Variants in UNC5C observed in about 807,000 individuals in gnomAD.
UNC5C encodes netrin receptor UNC5C.
UNC5C carries 47 observed loss-of-function variants against 99.8 expected under a neutral mutation model. The observed-to-expected ratio is 0.47, with a 90% CI of 0.37 to 0.60. The LOEUF is 0.60. Among genes scored for constraint, UNC5C ranks in the 20% least tolerant of loss-of-function variants. UNC5C has a pLI of 0.00. For synonymous variants in UNC5C, 487 were observed against 452.2 expected (o/e 1.08, Z -0.98); for missense variants, 1,062 against 1,165.9 (o/e 0.91, Z 1.30).
At chr4:95,251,124 A>G (rs775806821) in intron 4 of UNC5C, among the ~76,000 whole-genome samples, 8 of 152,218 alleles carry the variant, frequency 5.3e-5, no homozygotes, top group Non-Finnish European at 1.2e-4. Context: ...TAGAAAGACT[A>G]TTTTTAAAAG....
At chr4:95,520,023 G>A (rs935055032) in intron 1 of UNC5C, among the ~76,000 whole-genome samples, 1 of 152,094 alleles carries the variant, frequency 6.6e-6, no homozygotes, top group East Asian at 1.9e-4. Flanking sequence ...TATGCTTTCC[G>A]CTAAGAGGAA....
intron 1 of UNC5C, among the ~76,000 whole-genome samples, chr4:95,499,907 G>A (rs1290981478): frequency 2.0e-5 from 3 of 152,046 alleles, no homozygotes; most frequent in Non-Finnish European, 4.4e-5. Flanking sequence ...TTTCAGGGAG[G>A]TTAACTGTCT....
chr4:95,175,489 T>A lies in UNC5C; in HGVS notation c.2452-5157A>T, dbSNP rs1199823452. Among the ~76,000 whole-genome samples, 5 of 151,702 alleles carry A rather than the reference T, an allele frequency of 3.3e-5. No homozygotes were observed. In the South Asian group the frequency reaches 8.3e-4, roughly 25 times the overall value. On this transcript the variant is annotated intron_variant, in intron 14 of 15. Coordinates refer to ENST00000453304, the MANE Select transcript of UNC5C (RefSeq NM_003728.4). ...GCTTGTCTGTAAAGTATTTTATTTCTCCTTCACTTATGAAGCTTAGTTTGG... is the reference window on the plus strand; with the variant it reads ...GCTTGTCTGTAAAGTATTTTATTTCACCTTCACTTATGAAGCTTAGTTTGG...
intron 1 of UNC5C, among the ~76,000 whole-genome samples, chr4:95,527,803 G>A (rs1424583469): frequency 3.3e-5 from 5 of 152,044 alleles, no homozygotes; most frequent in Non-Finnish European, 4.4e-5. Flanking sequence ...AATTGATGGA[G>A]AAATTTTTAA....
intron 1 of UNC5C, among the ~76,000 whole-genome samples, chr4:95,413,225 G>C (rs992658710): frequency 6.6e-6 from 1 of 152,074 alleles, no homozygotes; most frequent in Non-Finnish European, 1.5e-5. Context: ...GGCAAACCCT[G>C]GTCAGTTTTC....
intron 1 of UNC5C, among the ~76,000 whole-genome samples, chr4:95,429,681 T>A (rs1746581425): frequency 6.6e-6 from 1 of 152,120 alleles, no homozygotes; most frequent in South Asian, 2.1e-4. Context: ...CACATCCAAT[T>A]TAAGCTCAAG....
At chr4:95,388,763 G>A (rs1218616941) in intron 1 of UNC5C, among the ~76,000 whole-genome samples, 1 of 152,110 alleles carries the variant, frequency 6.6e-6, no homozygotes, top group Non-Finnish European at 1.5e-5. Flanking sequence ...CTAGAATGAG[G>A]AAACTAAGGC....
chr4:95,330,490 T>C (rs1328132145), intron 2 of UNC5C, among the ~76,000 whole-genome samples: 1 of 152,140 alleles, frequency 6.6e-6, no homozygotes, highest in African/African-American at 2.4e-5. Flanking sequence ...ACATGTTTTC[T>C]TTTACATAGC....
intron 12 of UNC5C, among the ~76,000 whole-genome samples, chr4:95,201,049 G>A (rs1737634989): frequency 6.6e-6 from 1 of 152,276 alleles, no homozygotes; most frequent in East Asian, 1.9e-4. Flanking sequence ...CAAAATGTCA[G>A]CAGTTCCTCA....
At chr4:95,398,650 G>A (rs1422946606) in intron 1 of UNC5C, among the ~76,000 whole-genome samples, 1 of 152,108 alleles carries the variant, frequency 6.6e-6, no homozygotes, top group Non-Finnish European at 1.5e-5. Context: ...TCTTGTTTCT[G>A]TTGCAAATTA....
intron 1 of UNC5C, among the ~76,000 whole-genome samples, chr4:95,462,390 A>G (rs886514703): frequency 6.6e-6 from 1 of 152,208 alleles, no homozygotes; most frequent in Non-Finnish European, 1.5e-5. Flanking sequence ...CAGGTGCTAT[A>G]TTAGATATTA....
intron 7 of UNC5C, 119 bp from the exon 8 acceptor site, chr4:95,220,295 T>C (rs1418907530): frequency 2.0e-6 from 2 of 1,009,750 alleles, no homozygotes; most frequent in Non-Finnish European, 2.8e-6. Flanking sequence ...ATTTCAAATC[T>C]ATTTCAAAAG....
chr4:95,515,165 C>A (rs1722180840), intron 1 of UNC5C, among the ~76,000 whole-genome samples: 1 of 152,158 alleles, frequency 6.6e-6, no homozygotes, highest in South Asian at 2.1e-4. Flanking sequence ...GAAATAGCAT[C>A]AAGAATATCT....
At chr4:95,334,676 G>T (rs1347596170) in intron 2 of UNC5C, among the ~76,000 whole-genome samples, 1 of 151,858 alleles carries the variant, frequency 6.6e-6, no homozygotes, top group Non-Finnish European at 1.5e-5. Context: ...AAATCCCACA[G>T]GTTATTAGAA....
intron 1 of UNC5C, among the ~76,000 whole-genome samples, chr4:95,418,932 T>C (rs1746244332): frequency 6.6e-6 from 1 of 152,178 alleles, no homozygotes; most frequent in African/African-American, 2.4e-5. Flanking sequence ...GACTTCAGAA[T>C]GTTTTCCTGG....
intron 1 of UNC5C, among the ~76,000 whole-genome samples, chr4:95,525,539 A>G (rs1299915369): frequency 6.6e-6 from 1 of 150,744 alleles, no homozygotes; most frequent in Non-Finnish European, 1.5e-5. Flanking sequence ...CTCACCTAAG[A>G]CAGTACATTA....
chr4:95,450,819 T>A (rs1419604842), intron 1 of UNC5C, among the ~76,000 whole-genome samples: 1 of 152,146 alleles, frequency 6.6e-6, no homozygotes, highest in Non-Finnish European at 1.5e-5. Flanking sequence ...TCTTAAATCA[T>A]TCAAGAAATA....
intron 1 of UNC5C, among the ~76,000 whole-genome samples, chr4:95,424,226 G>C (rs1746398206): frequency 6.6e-6 from 1 of 152,026 alleles, no homozygotes; most frequent in East Asian, 1.9e-4. Context: ...AAATAAACCG[G>C]AATAACCTTT....
intron 1 of UNC5C, among the ~76,000 whole-genome samples, chr4:95,500,770 A>G (rs1429108257): frequency 6.6e-6 from 1 of 152,178 alleles, no homozygotes; most frequent in Non-Finnish European, 1.5e-5. Context: ...AATAGTTTTT[A>G]GCATTTTCTC....
Sources: allele counts gnomAD v4.1 joint callset (sites outside exome capture counted in the v4.1 genomes callset), GRCh38; gene constraint gnomAD v4.1.1; transcripts MANE v1.5; gene names NCBI Gene and HGNC (gene_info 2026-07-23, HGNC 2026-07-21).